The following MEOX2 variants were observed in gnomAD, a reference collection of about 807,000 sequenced individuals.
MEOX2 encodes homeobox protein MOX-2.
Under a neutral mutation model 27.0 loss-of-function variants are expected in MEOX2, and 11 were observed. The ratio of observed to expected loss-of-function variants is 0.41; its 90% CI spans 0.26 to 0.68. MEOX2 has a LOEUF of 0.68. Ranked by LOEUF, MEOX2 falls within the 30% of genes least tolerant of loss-of-function variation. MEOX2 has a pLI of 0.33. For synonymous variants in MEOX2, 189 were observed against 155.4 expected (o/e 1.22, Z -1.61); for missense variants, 436 against 385.4 (o/e 1.13, Z -1.10).
At chr7:15,614,025 T>C (rs561613045) in intron 2 of MEOX2, among the ~76,000 whole-genome samples, 31 of 149,114 alleles carry the variant, frequency 2.1e-4, no homozygotes, top group African/African-American at 7.3e-4. Context: ...AAACTCTTAA[T>C]ATTAATTAAT....
intron 1 of MEOX2, among the ~76,000 whole-genome samples, chr7:15,629,322 A>C (rs1235417233): frequency 6.6e-6 from 1 of 152,054 alleles, no homozygotes; most frequent in Non-Finnish European, 1.5e-5. Context: ...ATACACACTC[A>C]TTGTAACTAG....
chr7:15,655,416 T>A (rs1463075741), intron 1 of MEOX2, among the ~76,000 whole-genome samples: 6 of 151,650 alleles, frequency 4.0e-5, no homozygotes, highest in Admixed American at 2.6e-4. Flanking sequence ...TTCCTTCCTT[T>A]TGCTTGCTTT....
In MEOX2 at chr7:15,686,031, C is replaced by A. The variant is rs1459295467; in HGVS notation, c.372G>T (p.Pro124=). 4 of 1,606,168 alleles carry A rather than the reference C, an allele frequency of 2.5e-6. No individual in the cohort carries two copies. The highest frequency in any genetic ancestry group is 3.4e-6 in the Non-Finnish European group (4 of 1,179,296). ...SGGPPELGSS[P]PVLCSNSSSL... is the part of the protein sequence containing the mutation. The stretch of plus-strand genomic sequence containing the variant: ...TGGAAGAGTTGGAGCACAGGACGGG[C>A]GGGCTGCTCCCCAACTCTGGGGGCC... The change falls in exon 1 of 3, where the codon CCG becomes CCT. Residue 124 remains proline (P), a synonymous_variant. Coordinates refer to ENST00000262041, the MANE Select transcript of MEOX2 (RefSeq NM_005924.5).
At chr7:15,655,563 G>A (rs950268784) in intron 1 of MEOX2, among the ~76,000 whole-genome samples, 2 of 151,636 alleles carry the variant, frequency 1.3e-5, no homozygotes, top group Non-Finnish European at 3.0e-5. Flanking sequence ...AATTAACAAT[G>A]TTGTATTTTC....
At chr7:15,658,758 A>T (rs1332099094) in intron 1 of MEOX2, among the ~76,000 whole-genome samples, 1 of 152,216 alleles carries the variant, frequency 6.6e-6, no homozygotes, top group Non-Finnish European at 1.5e-5. Flanking sequence ...ATGTGAGGAC[A>T]TAGTGAGAAG....
chr7:15,647,724 T>C (rs1781673939), intron 1 of MEOX2, among the ~76,000 whole-genome samples: 1 of 152,142 alleles, frequency 6.6e-6, no homozygotes, highest in Admixed American at 6.6e-5. Flanking sequence ...AAGTTTTATT[T>C]CAATTTTCTT....
chr7:15,680,493 C>T (rs946138183), intron 1 of MEOX2: 3 of 151,816 alleles, frequency 2.0e-5, no homozygotes, highest in Non-Finnish European at 4.4e-5. Flanking sequence ...GAGGTTTTCT[C>T]CAATGGGATT....
chr7:15,632,173 T>C (rs1320225964), intron 1 of MEOX2, among the ~76,000 whole-genome samples: 1 of 151,810 alleles, frequency 6.6e-6, no homozygotes, highest in Non-Finnish European at 1.5e-5. Context: ...CTGGCTAGTA[T>C]TAGAACAAAG....
intron 1 of MEOX2, chr7:15,677,694 A>G (rs1782221910): frequency 6.6e-6 from 1 of 152,140 alleles, no homozygotes; most frequent in African/African-American, 2.4e-5. Context: ...GTGCTAATAT[A>G]TTCCAACTGT....
chr7:15,629,635 G>A (rs1781370015), intron 1 of MEOX2, among the ~76,000 whole-genome samples: 1 of 152,040 alleles, frequency 6.6e-6, no homozygotes, highest in Admixed American at 6.6e-5. Context: ...CACCAGTGTT[G>A]ATTAATCCAG....
chr7:15,656,038 T>C (rs944536108), intron 1 of MEOX2, among the ~76,000 whole-genome samples: 1 of 151,824 alleles, frequency 6.6e-6, no homozygotes, highest in African/African-American at 2.4e-5. Flanking sequence ...CTGCTTTTGG[T>C]GAATATACAT....
chr7:15,662,582 T>G (rs534930554), intron 1 of MEOX2, among the ~76,000 whole-genome samples: 3 of 152,220 alleles, frequency 2.0e-5, no homozygotes, highest in African/African-American at 7.2e-5. Context: ...AATATAATTT[T>G]TCAAGGTTGA....
intron 1 of MEOX2, among the ~76,000 whole-genome samples, chr7:15,649,641 A>T (rs1781705910): frequency 6.6e-6 from 1 of 152,050 alleles, no homozygotes; most frequent in Non-Finnish European, 1.5e-5. Context: ...AATGGGAGAG[A>T]TGGCAAAGCT....
intron 1 of MEOX2, among the ~76,000 whole-genome samples, chr7:15,660,079 C>T (rs1172568840): frequency 6.6e-6 from 1 of 152,108 alleles, no homozygotes; most frequent in African/African-American, 2.4e-5. Context: ...CTTGAATGAG[C>T]TAAGGATGGC....
chr7:15,642,354 A>C (rs1781575762), intron 1 of MEOX2, among the ~76,000 whole-genome samples: 1 of 152,108 alleles, frequency 6.6e-6, no homozygotes, highest in Non-Finnish European at 1.5e-5. Context: ...GATAATTCAA[A>C]AGTACAGTCT....
At position 15,616,465 on chromosome 7, in the gene MEOX2, A is replaced by G. The variant is rs147605911; in HGVS notation, c.691-3854T>C. Among the ~76,000 whole-genome samples, 796 of 151,986 alleles carry G rather than the reference A, an allele frequency of 5.2e-3. 11 individuals are homozygous for G. The highest frequency in any genetic ancestry group is 0.018 in the African/African-American group (754 of 41,532). ...GCAATCCCCCCAACAAAATCTGCAA[A>G]TTTAATTCCAGGTTATAAATCAATA... On this transcript the variant is annotated intron_variant, in intron 2 of 2. Coordinates refer to ENST00000262041, the MANE Select transcript of MEOX2 (RefSeq NM_005924.5).
chr7:15,637,737 T>C (rs1379551613), intron 1 of MEOX2, among the ~76,000 whole-genome samples: 1 of 151,754 alleles, frequency 6.6e-6, no homozygotes, highest in Non-Finnish European at 1.5e-5. Context: ...CTGGGGAACA[T>C]ATCGGGGCTT....
chr7:15,635,312 CACA>C (rs905083422), intron 1 of MEOX2, among the ~76,000 whole-genome samples: 19 of 151,922 alleles, frequency 1.3e-4, no homozygotes, highest in African/African-American at 4.3e-4. Context: ...ATGGCCTTTT[CACA>C]ACAAGGATTT....
At chr7:15,652,212 T>C (rs1270882890) in intron 1 of MEOX2, among the ~76,000 whole-genome samples, 1 of 152,052 alleles carries the variant, frequency 6.6e-6, no homozygotes, top group Non-Finnish European at 1.5e-5. Context: ...AAAAGAACTA[T>C]TAGGTAAATT....
Sources: gnomAD v4.1 joint callset for allele counts (sites outside exome capture counted in the v4.1 genomes callset) on GRCh38, gnomAD v4.1.1 for gene constraint, MANE v1.5 for transcripts, NCBI Gene and HGNC (gene_info 2026-07-23, HGNC 2026-07-21) for gene names.